The following ZC3H12D variants were observed in gnomAD, a reference collection of about 807,000 sequenced individuals.
The protein encoded by ZC3H12D is probable ribonuclease ZC3H12D.
ZC3H12D carries 11 observed loss-of-function variants against 24.2 expected under a neutral mutation model. That is an observed-to-expected ratio of 0.46 (90% CI 0.29 to 0.75). The LOEUF (loss-of-function observed/expected upper bound fraction) is 0.75, where lower values mean the gene tolerates loss of function less well. ZC3H12D is among the 30% of genes least tolerant of loss of function. ZC3H12D has a pLI of 0.11. For synonymous variants in ZC3H12D, 333 were observed against 341.8 expected, an observed-to-expected ratio of 0.97 and a Z score of 0.28; for missense variants, 740 against 767.7, an observed-to-expected ratio of 0.96 and a Z score of 0.43.
chr6:149,475,491 G>T (rs1776321282), intron 1 of ZC3H12D, among the ~76,000 whole-genome samples: 1 of 152,260 alleles, frequency 6.6e-6, no homozygotes, highest in South Asian at 2.1e-4. Context: ...GCTGAGGCGG[G>T]CAGATCAAGA....
Position 149,456,844 on chromosome 6 carries a change from G to C in ZC3H12D, c.502C>G (p.Arg168Gly). ...RQAVLVYTPS[R>G]KVHGKRLVCY... ...ACCAGGCGCTTGCCGTGCACCTTGC[G>C]GGACGGCGTGTACACCAGCACCGCC... The change falls in exon 4 of 6, where the codon CGC becomes GGC. Residue 168 changes from arginine to glycine, a missense_variant. Arg to Gly is a moderately radical substitution (Grantham distance 125). Transcript: ENST00000409806. This position sits in a 1 kb window ranked among gnomAD's most constrained non-coding sequence, Gnocchi z 4.3. 1.2e-6 allele frequency: 2 copies of C among 1,609,658 alleles called. No individual in the cohort carries two copies. The highest frequency in any genetic ancestry group is 8.5e-7 in the Non-Finnish European group (1 of 1,179,714).
chr6:149,480,471 G>A (rs927477100), intron 1 of ZC3H12D, among the ~76,000 whole-genome samples: 4 of 152,202 alleles, frequency 2.6e-5, no homozygotes, highest in Admixed American at 2.6e-4. Flanking sequence ...GAGAACAATA[G>A]ATACCAGAAC....
intron 1 of ZC3H12D, among the ~76,000 whole-genome samples, chr6:149,479,970 C>CT (rs1434934575): frequency 6.6e-6 from 1 of 152,090 alleles, no homozygotes. Context: ...CCTTTCACTC[C>CT]TCTCTTTTCC....
chr6:149,455,347 G>T (rs191637149), intron 4 of ZC3H12D, among the ~76,000 whole-genome samples: 1 of 152,272 alleles, frequency 6.6e-6, no homozygotes, highest in Non-Finnish European at 1.5e-5. Flanking sequence ...TGGAGACACC[G>T]CACGTAAGAC....
In ZC3H12D at chr6:149,461,585, T is replaced by C. The variant is rs185969690; in HGVS notation, c.445+246A>G. On this transcript the variant is annotated intron_variant, in intron 3 of 5. Coordinates refer to ENST00000409806, the MANE Select transcript of ZC3H12D (RefSeq NM_207360.3). ...AAGAGTAGTTTGTTCATTCATCTACTCAACAACTGCTTATTGAACGCCTAA... is the reference window on the plus strand; with the variant it reads ...AAGAGTAGTTTGTTCATTCATCTACCCAACAACTGCTTATTGAACGCCTAA... The C allele has an allele frequency of 1.0e-4, 30 of 300,322 alleles. No individual in the cohort carries two copies. In the South Asian group the frequency reaches 1.2e-3, roughly 12 times the overall value. 18.6% of individuals were successfully genotyped at this position (300,322 alleles called of 1,614,324 possible). A position where few individuals can be genotyped will look rare whatever the true frequency, so the allele number is the denominator to read the frequency against.
chr6:149,452,814 A>T lies in ZC3H12D; in HGVS notation c.681-92T>A. 1 of 1,167,454 alleles carries T rather than the reference A, an allele frequency of 8.6e-7. No individual in the cohort carries two copies. Among genetic ancestry groups the T allele is most frequent in the Non-Finnish European group, 1.2e-6 (1 of 816,888 alleles). The allele number at this position is 1,167,454 out of a possible 1,614,324, so 72.3% of individuals were successfully genotyped here. On this transcript the variant is annotated intron_variant, in intron 4 of 5. Transcript: ENST00000409806. The surrounding 1 kb of genome is among the most constrained non-coding windows in gnomAD (Gnocchi z 4.0). ...GAGCAGGCCCAAGTTCCCCAAGAAC[A>T]CCAGGAAGCATTCGGCCCCGGGCCC...
chr6:149,456,616 G>GGC lies in ZC3H12D; in HGVS notation c.680+49_680+50insGC. 1.9e-4 allele frequency: 215 copies of GGC among 1,130,352 alleles called. No homozygotes were observed. The highest frequency in any genetic ancestry group is 2.5e-4 in the Non-Finnish European group (191 of 763,224). The allele number at this position is 1,130,352 out of a possible 1,614,324, so 70.0% of individuals were successfully genotyped here. On this transcript the variant is annotated intron_variant, in intron 4 of 5. Coordinates refer to ENST00000409806, the MANE Select transcript of ZC3H12D (RefSeq NM_207360.3). The surrounding 1 kb of genome is among the most constrained non-coding windows in gnomAD (Gnocchi z 4.3). ...AGGCGTGGCCACTGCCTCGACCCCG[G>GGC]CCCCCCGCCCCGCCGCCCCCCAGGG...
intron 3 of ZC3H12D, among the ~76,000 whole-genome samples, chr6:149,457,996 T>A (rs944161994): frequency 3.3e-5 from 5 of 151,982 alleles, no homozygotes; most frequent in Admixed American, 3.3e-4. Context: ...TGCGATCCTC[T>A]CCATTCCCCT....
rs1265100631 is a variant in ZC3H12D, at chr6:149,447,774, G to A, written c.*2909C>T. 2.0e-5 allele frequency: 3 copies of A among 152,210 alleles called. No homozygotes were observed. The highest frequency in any genetic ancestry group is 4.4e-5 in the Non-Finnish European group (3 of 68,006). The allele number at this position is 152,210 out of a possible 1,614,324, so 9.4% of individuals were successfully genotyped here. A position where few individuals can be genotyped will look rare whatever the true frequency, so the allele number is the denominator to read the frequency against. On this transcript the variant is annotated 3_prime_UTR_variant, in exon 6 of 6. Coordinates refer to ENST00000409806, the MANE Select transcript of ZC3H12D (RefSeq NM_207360.3). Reference sequence around the variant, plus strand: ...TTCCAAAGGGGATTACACTTGAAATGTGCTGTGTTTTCACTTTTTTTTTTG... The same window carrying A: ...TTCCAAAGGGGATTACACTTGAAATATGCTGTGTTTTCACTTTTTTTTTTG...
rs955600469 is a variant in ZC3H12D, at chr6:149,450,903, G to C, written c.1364C>G (p.Pro455Arg). 3.2e-6 allele frequency: 5 copies of C among 1,540,312 alleles called. No individual in the cohort carries two copies. The African/African-American group carries it at 6.8e-5, about 21-fold the overall frequency. ...RFPGRSVWAEPAWGDGATGGL... is the reference protein window; with the variant it reads ...RFPGRSVWAERAWGDGATGGL... ...CCCAGTGGCGCCGTCGCCCCAGGCC[G>C]GCTCCGCCCAGACGGAGCGCCCAGG... The change falls in exon 6 of 6, where the codon CCG (proline) becomes CGG (arginine). Residue 455 changes from proline (P) to arginine (R), a missense_variant. Pro to Arg is a moderately radical substitution (Grantham distance 103, BLOSUM62 -2). Coordinates refer to ENST00000409806, the MANE Select transcript of ZC3H12D (RefSeq NM_207360.3).
At chr6:149,476,183 T>C (rs984628334) in intron 1 of ZC3H12D, among the ~76,000 whole-genome samples, 1 of 152,218 alleles carries the variant, frequency 6.6e-6, no homozygotes, top group Non-Finnish European at 1.5e-5. Context: ...CTTATACTTA[T>C]TGCTCAGCAA....
chr6:149,459,589 C>A, intron 3 of ZC3H12D: 1 of 700,592 alleles, frequency 1.4e-6, no homozygotes, highest in Admixed American at 2.0e-5. Context: ...GGAAGTCGGG[C>A]AAAATCGGGA....
At chr6:149,453,724 G>T (rs958599349) in intron 4 of ZC3H12D, among the ~76,000 whole-genome samples, 1 of 152,116 alleles carries the variant, frequency 6.6e-6, no homozygotes, top group African/African-American at 2.4e-5. Context: ...TCAACAAAAG[G>T]TTAGAAACCT....
chr6:149,469,193 C>T (rs549697900), intron 2 of ZC3H12D, among the ~76,000 whole-genome samples: 7 of 152,288 alleles, frequency 4.6e-5, no homozygotes, highest in Non-Finnish European at 7.4e-5. Flanking sequence ...AGCGATGGCT[C>T]AAGCCTGTAA....
intron 2 of ZC3H12D, among the ~76,000 whole-genome samples, chr6:149,473,468 A>T (rs1776278300): frequency 6.6e-6 from 1 of 152,200 alleles, no homozygotes. Flanking sequence ...TGTTTGGGCA[A>T]CGCCCCACTT....
chr6:149,483,507 G>A lies in ZC3H12D; in HGVS notation c.-71+1306C>T, dbSNP rs547078015. Among the ~76,000 whole-genome samples, 17 of 152,206 alleles carry A rather than the reference G, an allele frequency of 1.1e-4. No homozygotes were observed. The South Asian group carries it at 2.3e-3, about 20-fold the overall frequency. Reference sequence around the variant, plus strand: ...ATAACTTCCCATTTCCCCAGTCCCTGGCACCCACCATTGTACGTTCTGTCT... The same window carrying A: ...ATAACTTCCCATTTCCCCAGTCCCTAGCACCCACCATTGTACGTTCTGTCT... On this transcript the variant is annotated intron_variant, in intron 1 of 5. Coordinates refer to ENST00000409806, the MANE Select transcript of ZC3H12D (RefSeq NM_207360.3).
At chr6:149,457,421 G>C (rs1030149004) in intron 3 of ZC3H12D, among the ~76,000 whole-genome samples, 23 of 152,108 alleles carry the variant, frequency 1.5e-4, no homozygotes, top group African/African-American at 5.3e-4. Flanking sequence ...GACACCTTTG[G>C]GATGGAGCAC....
At chr6:149,466,506 A>T (rs1776165133) in intron 2 of ZC3H12D, among the ~76,000 whole-genome samples, 1 of 152,084 alleles carries the variant, frequency 6.6e-6, no homozygotes. Context: ...CCCCCGAGAC[A>T]CATGCATCTC....
rs185169906 is a variant in ZC3H12D at position 149,460,558 on chromosome 6, G to A, written c.445+1273C>T. ...AAAAAACAAAAACTAGCTAGGGCAG[G>A]GTGCGGTGGCTCACACATGTAATCC... On this transcript the variant is annotated intron_variant, in intron 3 of 5. Coordinates refer to ENST00000409806, the MANE Select transcript of ZC3H12D (RefSeq NM_207360.3). Among the ~76,000 whole-genome samples, 367 of 152,184 alleles carry A rather than the reference G, an allele frequency of 2.4e-3. 1 individual carries two copies. Among genetic ancestry groups the A allele is most frequent in the Middle Eastern group, 0.01 (3 of 294 alleles).
Sources: gnomAD v4.1 joint callset for allele counts (sites outside exome capture counted in the v4.1 genomes callset) on GRCh38, gnomAD v4.1.1 for gene constraint, Gnocchi (gnomAD v3.1) non-coding constraint, MANE v1.5 for transcripts, NCBI Gene and HGNC (gene_info 2026-07-23, HGNC 2026-07-21) for gene names.